OXSR1: variants seen among roughly 807,000 people sequenced by gnomAD.
The protein encoded by OXSR1 is oxidative stress responsive kinase 1.
A neutral mutation model predicts 79.8 loss-of-function variants in OXSR1; 24 were observed. The observed-to-expected ratio is 0.30, with a 90% CI of 0.22 to 0.42. The LOEUF (loss-of-function observed/expected upper bound fraction) is 0.42. OXSR1 is among the 10% of genes least tolerant of loss of function. The pLI, the probability that OXSR1 is intolerant of heterozygous loss-of-function variation, is 1.00. For missense variants in OXSR1, 430 were observed against 618.4 expected, an observed-to-expected ratio of 0.70 and a Z score of 3.23; for synonymous variants, 226 against 209.2, an observed-to-expected ratio of 1.08 and a Z score of -0.69.
At chr3:38,174,173 G>A (rs1180335533) in intron 1 of OXSR1, among the ~76,000 whole-genome samples, 3 of 152,194 alleles carry the variant, frequency 2.0e-5, no homozygotes, top group African/African-American at 7.2e-5. Flanking sequence ...ATGGATGCTT[G>A]GTCCTGATTG....
chr3:38,167,339 A>AT (rs779736577), intron 1 of OXSR1, among the ~76,000 whole-genome samples: 1 of 152,248 alleles, frequency 6.6e-6, no homozygotes, highest in African/African-American at 2.4e-5. Flanking sequence ...TTGGACAACA[A>AT]TAACCCAGTG....
At chr3:38,240,759 G>A (rs2125849696) in intron 11 of OXSR1, among the ~76,000 whole-genome samples, 1 of 149,752 alleles carries the variant, frequency 6.7e-6, no homozygotes, top group African/African-American at 2.4e-5. Context: ...ACTCCTACTG[G>A]CAAAATCTGG....
chr3:38,243,808 A>G (rs1026404018), intron 12 of OXSR1, among the ~76,000 whole-genome samples: 1 of 152,220 alleles, frequency 6.6e-6, no homozygotes, highest in Non-Finnish European at 1.5e-5. Context: ...CTTGTATTAG[A>G]ACTGTTGTTC....
chr3:38,222,890 T>C (rs1344750001), intron 6 of OXSR1, among the ~76,000 whole-genome samples: 1 of 152,200 alleles, frequency 6.6e-6, no homozygotes, highest in Non-Finnish European at 1.5e-5. Context: ...AATTTTGTGT[T>C]TTTTTCCTCA....
At position 38,168,303 on chromosome 3, in the gene OXSR1, A is replaced by G. The variant is rs529773914; in HGVS notation, c.70+2357A>G. Among the ~76,000 whole-genome samples, 4 of 152,336 alleles carry G rather than the reference A, an allele frequency of 2.6e-5. No individual in the cohort carries two copies. The South Asian group carries it at 8.3e-4, about 32-fold the overall frequency. ...ACTATCACCATAATCCAGTTTTAGA[A>G]TATTTCCATCATCCCCGTGAGATCT... is the stretch of plus-strand genomic sequence containing the variant. On this transcript the variant is annotated intron_variant, in intron 1 of 17. Coordinates refer to ENST00000311806, the MANE Select transcript of OXSR1 (RefSeq NM_005109.3).
chr3:38,193,303 T>C, intron 3 of OXSR1: 1 of 1,289,788 alleles, frequency 7.8e-7, no homozygotes. Context: ...AGAAACTGGA[T>C]TGCTTTGTTA....
chr3:38,242,762 CAATATCAA>C lies in OXSR1; in HGVS notation c.1096_1103del (p.Ile366PhefsTer2). ...GTTTAGTCTCCCCGAGTGAAAGAAT[CAATATCAA>C]ATTCTGAGGTAAGTAATTGTGATTA... On this transcript the variant is annotated frameshift_variant, in exon 12 of 18. Transcript: ENST00000311806. LOFTEE classifies it high-confidence loss of function. 6.4e-7 allele frequency: 1 copy of C among 1,561,184 alleles called. No individual in the cohort carries two copies.
At chr3:38,201,686 G>C (rs372985025) in intron 4 of OXSR1, among the ~76,000 whole-genome samples, 28 of 151,266 alleles carry the variant, frequency 1.9e-4, no homozygotes, top group East Asian at 9.7e-4. Context: ...CTCCAGCTTA[G>C]GCGACAGAGC....
chr3:38,230,727 C>T (rs1480902647), intron 10 of OXSR1: 1 of 284,830 alleles, frequency 3.5e-6, no homozygotes, highest in Non-Finnish European at 6.7e-6. Context: ...TTTTACATGA[C>T]ATTTATAGCT....
chr3:38,199,794 T>A (rs569232617), intron 4 of OXSR1, among the ~76,000 whole-genome samples: 3 of 152,222 alleles, frequency 2.0e-5, no homozygotes, highest in Non-Finnish European at 4.4e-5. Context: ...CTTGGGCCGG[T>A]TGCTGCCAAG....
chr3:38,229,806 C>A, intron 9 of OXSR1, 71 bp downstream of exon 9: 2 of 1,157,048 alleles, frequency 1.7e-6, no homozygotes, highest in South Asian at 1.3e-5. Flanking sequence ...ATGTTCAGTG[C>A]TTAGAAGTTG....
intron 11 of OXSR1, among the ~76,000 whole-genome samples, chr3:38,240,551 G>A (rs1313014560): frequency 6.6e-6 from 1 of 152,052 alleles, no homozygotes; most frequent in East Asian, 1.9e-4. Flanking sequence ...ATAATGACAT[G>A]CCTTGTATCC....
chr3:38,192,512 T>G (rs1213742531), intron 3 of OXSR1, among the ~76,000 whole-genome samples: 1 of 152,184 alleles, frequency 6.6e-6, no homozygotes. Context: ...CAATACAAGT[T>G]TAATATCATG....
At chr3:38,235,047 A>G (rs1012365219) in intron 10 of OXSR1, among the ~76,000 whole-genome samples, 77 of 152,252 alleles carry the variant, frequency 5.1e-4, no homozygotes, top group Non-Finnish European at 5.9e-5. Flanking sequence ...ATGTAAAGAG[A>G]CAGAAAGTAG....
chr3:38,228,168 C>T (rs1702729962), intron 8 of OXSR1, among the ~76,000 whole-genome samples: 1 of 152,138 alleles, frequency 6.6e-6, no homozygotes, highest in African/African-American at 2.4e-5. Context: ...GCTAGTCAGA[C>T]TATCATTCAA....
At position 38,253,505 on chromosome 3, in the gene OXSR1, C is replaced by A. The variant is rs1192370239; in HGVS notation, c.*614C>A. The A allele has an allele frequency of 6.5e-6, 1 of 152,810 alleles. No homozygotes were observed. Among genetic ancestry groups the A allele is most frequent in the African/African-American group, 2.4e-5 (1 of 41,432 alleles). 9.5% of individuals were successfully genotyped at this position (152,810 alleles called of 1,614,324 possible). A position where few individuals can be genotyped will look rare whatever the true frequency, so the allele number is the denominator to read the frequency against. On this transcript the variant is annotated 3_prime_UTR_variant, in exon 18 of 18. Transcript: ENST00000311806. ...TGCTGAAGCTGCTCTCAGGCACCCCCTTCTTCATTGCTCTCTCCAGAAAGG... is the reference window on the plus strand; with the variant it reads ...TGCTGAAGCTGCTCTCAGGCACCCCATTCTTCATTGCTCTCTCCAGAAAGG...
chr3:38,194,264 A>G (rs1179495947), intron 3 of OXSR1, among the ~76,000 whole-genome samples: 1 of 152,146 alleles, frequency 6.6e-6, no homozygotes, highest in Non-Finnish European at 1.5e-5. Flanking sequence ...AATAAGTAAT[A>G]ATTGGCTGGG....
intron 4 of OXSR1, among the ~76,000 whole-genome samples, chr3:38,204,968 C>T (rs537623282): frequency 1.8e-4 from 28 of 152,314 alleles, no homozygotes; most frequent in African/African-American, 6.5e-4. Flanking sequence ...TGCAGAGGCA[C>T]GGCTTGACAG....
intron 3 of OXSR1, among the ~76,000 whole-genome samples, chr3:38,195,508 CCTT>C (rs1702058544): frequency 6.6e-6 from 1 of 152,154 alleles, no homozygotes; most frequent in Non-Finnish European, 1.5e-5. Context: ...CTCTTTGAAA[CCTT>C]CTGAGGCTTA....
Sources: allele counts gnomAD v4.1 joint callset (sites outside exome capture counted in the v4.1 genomes callset), GRCh38; gene constraint gnomAD v4.1.1; transcripts MANE v1.5; gene names NCBI Gene and HGNC (gene_info 2026-07-23, HGNC 2026-07-21).